Variants in PARP3 observed in about 807,000 individuals in gnomAD.
The protein encoded by PARP3 is poly(ADP-ribose) polymerase family member 3.
Under a neutral mutation model 58.2 loss-of-function variants are expected in PARP3, and 46 were observed. That is an observed-to-expected ratio of 0.79 (90% confidence interval 0.62 to 1.01). The LOEUF is 1.01. Ranked by LOEUF, PARP3 falls within the 50% of genes least tolerant of loss-of-function variation. The pLI is 0.00. For missense variants in PARP3, 663 were observed against 683.9 expected (o/e 0.97, Z 0.34); for synonymous variants, 252 against 266.4 (o/e 0.95, Z 0.53).
intron 1 of PARP3, 83 bp downstream of exon 1, chr3:51,942,791 A>T (rs374352959): frequency 6.6e-7 from 1 of 1,518,538 alleles, no homozygotes. Flanking sequence ...GTTCAAGGCC[A>T]CTGATCCGGA....
Position 51,944,124 on chromosome 3 carries a change from C to T in PARP3, c.219C>T (p.Thr73=). ...YEDYNCTLNQ[T]NIENNNNKFY... ...ACTACAACTGCACCCTGAACCAGAC[C>T]AACATCGAGAACAACAACAACAAGT... The change falls in exon 3 of 11, where the codon ACC becomes ACT. Residue 73 remains threonine (T), a synonymous_variant. Transcript: ENST00000398755. The surrounding 1 kb of genome is among the most constrained non-coding windows in gnomAD (Gnocchi z 4.2). The T allele has an allele frequency of 6.2e-7, 1 of 1,613,944 alleles. No homozygotes were observed. Among genetic ancestry groups the T allele is most frequent in the Admixed American group, 1.7e-5 (1 of 60,014 alleles).
At position 51,946,910 on chromosome 3, in the gene PARP3, C is replaced by T. The variant is rs371526872; in HGVS notation, c.1276+567C>T. Among the ~76,000 whole-genome samples, 2 of 152,162 alleles carry T rather than the reference C, an allele frequency of 1.3e-5. No homozygotes were observed. Among genetic ancestry groups the T allele is most frequent in the Admixed American group, 6.5e-5 (1 of 15,288 alleles). On this transcript the variant is annotated intron_variant, in intron 9 of 10. Coordinates refer to ENST00000398755, the MANE Select transcript of PARP3 (RefSeq NM_001003931.4). This position sits in a 1 kb window ranked among gnomAD's most constrained non-coding sequence, Gnocchi z 4.6. ...GGCAGGGTGGGCTAGGGGCCCAGAACGATCGAGGAGGCTTTATCCAGAGAG... is the reference window on the plus strand; with the variant it reads ...GGCAGGGTGGGCTAGGGGCCCAGAATGATCGAGGAGGCTTTATCCAGAGAG...
rs1329214709 is a variant in PARP3, at chr3:51,945,123, T to C, written c.760T>C (p.Ser254Pro). The C allele has an allele frequency of 1.4e-5, 22 of 1,614,104 alleles. 1 individual carries two copies. The highest frequency in any genetic ancestry group is 1.8e-5 in the Non-Finnish European group (21 of 1,180,042). The change falls in exon 6 of 11, where the codon TCC becomes CCC. Residue 254 changes from serine to proline, a missense_variant. Around this residue, in one of 3 missense-constraint regions of PARP3, gnomAD observed 567 missense variants for 553.6 expected, o/e 1.02. Coordinates refer to ENST00000398755, the MANE Select transcript of PARP3 (RefSeq NM_001003931.4). ...TDGGQSLEEL[S>P]SHFYTVIPHN... is the part of the protein sequence containing the mutation. ...TGGTGGCCAAAGCCTGGAGGAGCTG[T>C]CCTCACACTTTTACACCGTCATCCC...
In PARP3 at chr3:51,943,601, C is replaced by T. The variant is rs566088476; in HGVS notation, c.183+63C>T. The stretch of plus-strand genomic sequence containing the variant: ...ACTGATAAGCACAAACACACCCAGG[C>T]CACCCCCTTAGGACTCTGTTCTGGT... On this transcript the variant is annotated intron_variant, in intron 2 of 10. Coordinates refer to ENST00000398755, the MANE Select transcript of PARP3 (RefSeq NM_001003931.4). The T allele has an allele frequency of 4.2e-5, 61 of 1,464,270 alleles. No homozygotes were observed. The African/African-American group carries it at 7.9e-4, about 19-fold the overall frequency. The allele number at this position is 1,464,270 out of a possible 1,614,324, so 90.7% of individuals were successfully genotyped here.
Position 51,944,291 on chromosome 3 carries a change from C to A in PARP3, c.312+74C>A. 1 of 1,606,846 alleles carries A rather than the reference C, an allele frequency of 6.2e-7. No individual in the cohort carries two copies. ...CCACAGCTACTGACTTGGGGGGGCACCTCCCAACTGTCCCAGGGCACTCAG... is the reference window on the plus strand; with the variant it reads ...CCACAGCTACTGACTTGGGGGGGCAACTCCCAACTGTCCCAGGGCACTCAG... On this transcript the variant is annotated intron_variant, in intron 3 of 10. Coordinates refer to ENST00000398755, the MANE Select transcript of PARP3 (RefSeq NM_001003931.4). This position sits in a 1 kb window ranked among gnomAD's most constrained non-coding sequence, Gnocchi z 4.2.
rs78218556 is a variant in PARP3, at chr3:51,948,319, C to T, written c.1441C>T (p.Gln481Ter). ...ARGHTEPDPTQDTELELDGQQ... is the reference protein window; with the variant it reads ...ARGHTEPDPT ...CTTGCTGTGCCCTGCAGATCCGACCCAGGACACTGAGTTGGAGCTGGATGG... is the reference window on the plus strand; with the variant it reads ...CTTGCTGTGCCCTGCAGATCCGACCTAGGACACTGAGTTGGAGCTGGATGG... Residue 481 changes from glutamine (Q) to a stop codon, truncating the protein, a stop_gained, in exon 11 of 11, where the codon CAG becomes TAG. Transcript: ENST00000398755. LOFTEE classifies it high-confidence loss of function. 608 of 1,613,618 alleles carry T rather than the reference C, an allele frequency of 3.8e-4. 3 individuals carry two copies. In the African/African-American group the frequency reaches 6.5e-3, roughly 17 times the overall value.
In PARP3 at chr3:51,948,422, A is replaced by G. The variant is rs767887974; in HGVS notation, c.1544A>G (p.Tyr515Cys). ...AGCTCCACATTCTCCCAGAGCGAGT[A>G]CCTCATCTACCAGGAGAGCCAGTGT... ...FSSSTFSQSE[Y>C]LIYQESQCRL... is the part of the protein sequence containing the mutation. The change falls in exon 11 of 11, where the codon TAC becomes TGC. Residue 515 changes from tyrosine (Y) to cysteine (C), a missense_variant. By Grantham distance (194) the Tyr-to-Cys change is radical (BLOSUM62 -2). This residue lies in a region of PARP3 where 88 missense variants were observed against 109.1 expected (regional missense o/e 0.81). Coordinates refer to ENST00000398755, the MANE Select transcript of PARP3 (RefSeq NM_001003931.4). The G allele has an allele frequency of 3.1e-6, 5 of 1,613,942 alleles. No individual in the cohort carries two copies. The highest frequency in any genetic ancestry group is 4.2e-6 in the Non-Finnish European group (5 of 1,179,974).
In PARP3 at chr3:51,945,934, G is replaced by A; in HGVS notation, c.1093G>A (p.Gly365Arg). ...LQHIWKVNQE[G>R]EEDRFQAHSK... ...ACACATCTGGAAAGTAAACCAAGAAGGGGAGGTGAGGGAGGTTCCCCCACC... is the reference window on the plus strand; with the variant it reads ...ACACATCTGGAAAGTAAACCAAGAAAGGGAGGTGAGGGAGGTTCCCCCACC... The change falls in exon 8 of 11, where the codon GGG becomes AGG. Residue 365 changes from glycine to arginine, a missense_variant. This residue lies in a region of PARP3 where 567 missense variants were observed against 553.6 expected (regional missense o/e 1.02). Transcript: ENST00000398755. 1 of 1,613,470 alleles carries A rather than the reference G, an allele frequency of 6.2e-7. No individual in the cohort carries two copies.
Position 51,942,395 on chromosome 3 carries a change from C to G in PARP3, c.-316C>G. 1.8e-6 allele frequency: 1 copy of G among 552,238 alleles called. No individual in the cohort carries two copies. The highest frequency in any genetic ancestry group is 3.3e-6 in the Non-Finnish European group (1 of 305,318). The allele number at this position is 552,238 out of a possible 1,614,324, so 34.2% of individuals were successfully genotyped here. On this transcript the variant is annotated 5_prime_UTR_variant, in exon 1 of 11. Coordinates refer to ENST00000398755, the MANE Select transcript of PARP3 (RefSeq NM_001003931.4). ...GACCGGCAGATGCGTGCTGCAGGCC[C>G]CGGCCACATGAGCAGCGCTACGGAC...
chr3:51,947,679 G>T, intron 9 of PARP3, 61 bp from the exon 10 acceptor site: 2 of 1,591,820 alleles, frequency 1.3e-6, no homozygotes, highest in Admixed American at 1.7e-5. Flanking sequence ...GCAGAGAGGG[G>T]CCCCACAGGT....
chr3:51,948,159 G>A, intron 10 of PARP3, 152 bp from the exon 11 acceptor site: 1 of 822,700 alleles, frequency 1.2e-6, no homozygotes, highest in Non-Finnish European at 1.9e-6. Flanking sequence ...CCAGGCAGAA[G>A]CCCCAGCCCC....
Position 51,946,307 on chromosome 3 carries a change from T to C in PARP3, c.1240T>C (p.Tyr414His), listed in dbSNP as rs775235337. ...HSGGRVGKGI[Y>H]FASENSKSAG... ...TGGTGGGCGTGTTGGCAAGGGCATC[T>C]ACTTTGCCTCAGAGAACAGCAAGTC... The change falls in exon 9 of 11, where the codon TAC (tyrosine) becomes CAC (histidine). Residue 414 changes from tyrosine to histidine, a missense_variant. By Grantham distance (83) the Tyr-to-His change is moderately conservative (BLOSUM62 2). This residue lies in a region of PARP3 where 567 missense variants were observed against 553.6 expected (regional missense o/e 1.02). Coordinates refer to ENST00000398755, the MANE Select transcript of PARP3 (RefSeq NM_001003931.4). The surrounding 1 kb of genome is among the most constrained non-coding windows in gnomAD (Gnocchi z 4.6). The C allele has an allele frequency of 1.9e-6, 3 of 1,612,848 alleles. No homozygotes were observed. The highest frequency in any genetic ancestry group is 2.2e-5 in the East Asian group (1 of 44,892).
At position 51,944,959 on chromosome 3, in the gene PARP3, G is replaced by A; in HGVS notation, c.635-39G>A. On this transcript the variant is annotated intron_variant, in intron 5 of 10. Transcript: ENST00000398755. The surrounding 1 kb of genome is among the most constrained non-coding windows in gnomAD (Gnocchi z 4.2). ...GTGGCAGGGGCCTCAGGGTGGCAGG[G>A]CTGTGGGGCTGAGTCTCCCCACTCC... The A allele has an allele frequency of 6.2e-7, 1 of 1,613,154 alleles. No homozygotes were observed. The highest frequency in any genetic ancestry group is 8.5e-7 in the Non-Finnish European group (1 of 1,179,668).
At position 51,945,636 on chromosome 3, in the gene PARP3, G is replaced by A; in HGVS notation, c.1003G>A (p.Glu335Lys). Reference protein sequence around the residue: ...QLQLLDSGAPEYKVIQTYLEQ... With the variant: ...QLQLLDSGAPKYKVIQTYLEQ... ...GCAGCTGCTAGACTCTGGAGCACCT[G>A]AGTACAAGGTGAGTTGGGCCCCACA... The change falls in exon 7 of 11, where the codon GAG becomes AAG. Residue 335 changes from glutamate to lysine, a missense_variant. Physicochemically the swap from Glu to Lys is moderately conservative, Grantham distance 56. Transcript: ENST00000398755. 1 of 1,613,866 alleles carries A rather than the reference G, an allele frequency of 6.2e-7. No individual in the cohort carries two copies. Among genetic ancestry groups the A allele is most frequent in the South Asian group, 1.1e-5 (1 of 91,078 alleles).
chr3:51,945,938 A>C lies in PARP3; in HGVS notation c.1097A>C (p.Glu366Ala). The C allele has an allele frequency of 6.2e-7, 1 of 1,612,652 alleles. No homozygotes were observed. ...ATCTGGAAAGTAAACCAAGAAGGGG[A>C]GGTGAGGGAGGTTCCCCCACCTCTC... is the stretch of plus-strand genomic sequence containing the variant. ...QHIWKVNQEG[E>A]EDRFQAHSKL... The change falls in exon 8 of 11, where the codon GAG (glutamate) becomes GCG (alanine). Residue 366 changes from glutamate to alanine, a missense_variant and splice_region_variant. By Grantham distance (107) the Glu-to-Ala change is moderately radical (BLOSUM62 -1). Transcript: ENST00000398755.
intron 10 of PARP3, 123 bp downstream of exon 10, chr3:51,948,018 G>A: frequency 9.9e-7 from 1 of 1,005,442 alleles, no homozygotes; most frequent in Non-Finnish European, 1.5e-6. Context: ...CACTCAGTTT[G>A]TCATTTGACA....
rs1699737759 is a variant in PARP3, at chr3:51,948,643, A to T, written c.*163A>T. 8 of 640,484 alleles carry T rather than the reference A, an allele frequency of 1.2e-5. No individual in the cohort carries two copies. Among genetic ancestry groups the T allele is most frequent in the South Asian group, 1.1e-4 (5 of 47,308 alleles). The allele number at this position is 640,484 out of a possible 1,614,324, so 39.7% of individuals were successfully genotyped here. On this transcript the variant is annotated 3_prime_UTR_variant, in exon 11 of 11. Transcript: ENST00000398755. ...CAAGATCCCTGAACTTATGCCTCCT[A>T]ACTGAAATTTTGTATTCTTTGACAC...
Position 51,944,557 on chromosome 3 carries a change from G to A in PARP3, c.480G>A (p.Glu160=), listed in dbSNP as rs1699626440. Residue 160 remains glutamate, a synonymous_variant, in exon 4 of 11, where the codon GAG becomes GAA. Coordinates refer to ENST00000398755, the MANE Select transcript of PARP3 (RefSeq NM_001003931.4). The surrounding 1 kb of genome is among the most constrained non-coding windows in gnomAD (Gnocchi z 4.2). ...YTLIEVQAED[E]AQEAVVKVDR... ...TTATCGAAGTACAGGCAGAGGATGA[G>A]GCCCAGGAAGCTGTGGTGAAGGTGA... 6.2e-7 allele frequency: 1 copy of A among 1,614,078 alleles called. No individual in the cohort carries two copies. Among genetic ancestry groups the A allele is most frequent in the Non-Finnish European group, 8.5e-7 (1 of 1,180,030 alleles).
Position 51,944,177 on chromosome 3 carries a change from G to C in PARP3, c.272G>C (p.Ser91Thr). The change falls in exon 3 of 11, where the codon AGC (serine) becomes ACC (threonine). Residue 91 changes from serine to threonine, a missense_variant. Ser to Thr is a moderately conservative substitution (Grantham distance 58). This residue lies in a region of PARP3 where 567 missense variants were observed against 553.6 expected (regional missense o/e 1.02). Transcript: ENST00000398755. The surrounding 1 kb of genome is among the most constrained non-coding windows in gnomAD (Gnocchi z 4.2). ...TACATCATCCAGCTGCTCCAAGACAGCAACCGCTTCTTCACCTGCTGGAAC... is the reference window on the plus strand; with the variant it reads ...TACATCATCCAGCTGCTCCAAGACACCAACCGCTTCTTCACCTGCTGGAAC... Reference protein sequence around the residue: ...KFYIIQLLQDSNRFFTCWNRW... With the variant: ...KFYIIQLLQDTNRFFTCWNRW... 1.2e-6 allele frequency: 2 copies of C among 1,613,948 alleles called. No homozygotes were observed. Among genetic ancestry groups the C allele is most frequent in the South Asian group, 1.1e-5 (1 of 91,074 alleles).
Sources: allele counts gnomAD v4.1 joint callset (sites outside exome capture counted in the v4.1 genomes callset), GRCh38; gene constraint gnomAD v4.1.1; regional missense constraint gnomAD v4.1.1; non-coding constraint Gnocchi (gnomAD v3.1); transcripts MANE v1.5; gene names NCBI Gene and HGNC (gene_info 2026-07-23, HGNC 2026-07-21).